CAMK1D: variants seen among roughly 807,000 people sequenced by gnomAD.
The protein encoded by CAMK1D is calcium/calmodulin-dependent protein kinase type 1D.
A neutral mutation model predicts 47.7 loss-of-function variants in CAMK1D; 9 were observed. The ratio of observed to expected loss-of-function variants is 0.19; its 90% confidence interval spans 0.11 to 0.33. CAMK1D has a LOEUF of 0.33. CAMK1D is among the 10% of genes least tolerant of loss of function. The pLI is 1.00. For missense variants in CAMK1D, 291 were observed against 488.7 expected (o/e 0.60, Z 3.81); for synonymous variants, 184 against 184.9 (o/e 0.99, Z 0.04).
chr10:12,680,450 C>T (rs1041928224), intron 3 of CAMK1D, among the ~76,000 whole-genome samples: 7 of 152,122 alleles, frequency 4.6e-5, no homozygotes, highest in Non-Finnish European at 8.8e-5. Context: ...TTGTTGTTGT[C>T]CCCATTTTCT....
At chr10:12,618,562 A>G (rs944446500) in intron 2 of CAMK1D, among the ~76,000 whole-genome samples, 4 of 152,212 alleles carry the variant, frequency 2.6e-5, no homozygotes, top group Non-Finnish European at 4.4e-5. Context: ...TGGGAGCCTC[A>G]TATTCAGAAG....
At chr10:12,525,335 C>G (rs1233521550) in intron 1 of CAMK1D, among the ~76,000 whole-genome samples, 1 of 152,048 alleles carries the variant, frequency 6.6e-6, no homozygotes, top group Non-Finnish European at 1.5e-5. Flanking sequence ...CAATCTCTTT[C>G]TCTTTCTTCA....
chr10:12,440,408 C>T (rs1473943313), intron 1 of CAMK1D, among the ~76,000 whole-genome samples: 1 of 151,998 alleles, frequency 6.6e-6, no homozygotes, highest in African/African-American at 2.4e-5. Flanking sequence ...CTGCCTCAGC[C>T]TCCTGAGTAG....
chr10:12,500,402 C>T (rs1834665633), intron 1 of CAMK1D, among the ~76,000 whole-genome samples: 1 of 152,206 alleles, frequency 6.6e-6, no homozygotes, highest in Admixed American at 6.5e-5. Context: ...CCTCACTGAG[C>T]CCAGAGGTCA....
At chr10:12,685,307 G>A (rs949312723) in intron 3 of CAMK1D, among the ~76,000 whole-genome samples, 1 of 152,074 alleles carries the variant, frequency 6.6e-6, no homozygotes, top group Non-Finnish European at 1.5e-5. Context: ...TCTCAAAAAC[G>A]AACAAACAAA....
chr10:12,590,978 A>T (rs1210851267), intron 2 of CAMK1D, among the ~76,000 whole-genome samples: 1 of 152,172 alleles, frequency 6.6e-6, no homozygotes, highest in Non-Finnish European at 1.5e-5. Flanking sequence ...ATCAATCTTT[A>T]TGCCTCCGAT....
intron 2 of CAMK1D, among the ~76,000 whole-genome samples, chr10:12,556,282 C>G (rs893857187): frequency 2.0e-5 from 3 of 152,192 alleles, no homozygotes; most frequent in African/African-American, 7.2e-5. Flanking sequence ...GACATTCATT[C>G]ATTTAACAAA....
intron 1 of CAMK1D, among the ~76,000 whole-genome samples, chr10:12,506,710 G>T (rs1834885076): frequency 6.6e-6 from 1 of 151,866 alleles, no homozygotes; most frequent in Non-Finnish European, 1.5e-5. Context: ...AGTAGAGACG[G>T]GGTTTCACCG....
At chr10:12,522,820 CGGA>C (rs1835469793) in intron 1 of CAMK1D, among the ~76,000 whole-genome samples, 5 of 92,384 alleles carry the variant, frequency 5.4e-5, no homozygotes, top group Admixed American at 4.9e-4. Flanking sequence ...GCTGGCCGGG[CGGA>C]GGCGCCCCCC....
chr10:12,670,763 G>T (rs1840590393), intron 3 of CAMK1D, among the ~76,000 whole-genome samples: 1 of 152,064 alleles, frequency 6.6e-6, no homozygotes, highest in Non-Finnish European at 1.5e-5. Flanking sequence ...TGGTCAGGCT[G>T]GTCTTGAACT....
At chr10:12,534,991 G>T (rs1409109032) in intron 1 of CAMK1D, among the ~76,000 whole-genome samples, 2 of 152,228 alleles carry the variant, frequency 1.3e-5, no homozygotes, top group African/African-American at 2.4e-5. Context: ...CTAGCTCTGT[G>T]CCTGGGAAGA....
chr10:12,379,655 A>T (rs1838283276), intron 1 of CAMK1D, among the ~76,000 whole-genome samples: 2 of 152,100 alleles, frequency 1.3e-5, no homozygotes, highest in South Asian at 4.1e-4. Flanking sequence ...CGGGAGGCTG[A>T]GGTAGGAGAA....
Position 12,405,970 on chromosome 10 carries a change from A to G in CAMK1D, c.92+56060A>G, listed in dbSNP as rs976896079. Among the ~76,000 whole-genome samples the G allele has an allele frequency of 2.6e-5, 4 of 152,220 alleles. No individual in the cohort carries two copies. The South Asian group carries it at 8.3e-4, about 32-fold the overall frequency. On this transcript the variant is annotated intron_variant, in intron 1 of 10. Coordinates refer to ENST00000619168, the MANE Select transcript of CAMK1D (RefSeq NM_153498.4). ...GACGGGAGAAAGGGCAAATGCGAGC[A>G]TCTGATTTGTTTGTACCAGTGCTGC...
chr10:12,650,717 C>T (rs1003546503), intron 2 of CAMK1D, among the ~76,000 whole-genome samples: 9 of 152,310 alleles, frequency 5.9e-5, no homozygotes, highest in African/African-American at 1.4e-4. Context: ...ATCCTTGTGC[C>T]GCGTTCTCTT....
At chr10:12,426,468 A>G (rs1840232408) in intron 1 of CAMK1D, among the ~76,000 whole-genome samples, 1 of 151,224 alleles carries the variant, frequency 6.6e-6, no homozygotes, top group Non-Finnish European at 1.5e-5. Flanking sequence ...CTGGTCTTGA[A>G]CTCCCGACCT....
At chr10:12,803,789 G>A (rs1306353770) in intron 6 of CAMK1D, among the ~76,000 whole-genome samples, 1 of 152,158 alleles carries the variant, frequency 6.6e-6, no homozygotes, top group Non-Finnish European at 1.5e-5. Flanking sequence ...CACTTTCCCT[G>A]TCTCTTAAAC....
At chr10:12,637,575 ATT>A (rs906853228) in intron 2 of CAMK1D, among the ~76,000 whole-genome samples, 2 of 120,548 alleles carry the variant, frequency 1.7e-5, no homozygotes, top group Non-Finnish European at 3.2e-5. Flanking sequence ...CCCAGGCAGA[ATT>A]CCTGGTGGTA....
chr10:12,824,171 G>A (rs916039724), intron 8 of CAMK1D, among the ~76,000 whole-genome samples: 3 of 152,082 alleles, frequency 2.0e-5, no homozygotes, highest in Admixed American at 6.5e-5. Context: ...AGGAATTGGG[G>A]TCAAAGAAGG....
intron 3 of CAMK1D, among the ~76,000 whole-genome samples, chr10:12,686,582 C>T (rs1832674318): frequency 6.6e-6 from 1 of 152,228 alleles, no homozygotes; most frequent in Non-Finnish European, 1.5e-5. Context: ...CCTCGGCCTC[C>T]CAAAGTGCTG....
Sources: gnomAD v4.1 joint callset for allele counts (sites outside exome capture counted in the v4.1 genomes callset) on GRCh38, gnomAD v4.1.1 for gene constraint, MANE v1.5 for transcripts, NCBI Gene and HGNC (gene_info 2026-07-23, HGNC 2026-07-21) for gene names.